The following SHB variants were observed in gnomAD, a reference collection of about 807,000 sequenced individuals.
SHB encodes the protein SH2 domain containing adaptor protein B, also known as SH2 domain-containing adapter protein B.
In SHB, 20 loss-of-function variants were observed where a neutral mutation model predicts 52.3. The ratio of observed to expected loss-of-function variants is 0.38; its 90% CI spans 0.27 to 0.56. The LOEUF (loss-of-function observed/expected upper bound fraction) is 0.56. Ranked by LOEUF, SHB falls within the 20% of genes least tolerant of loss-of-function variation. The pLI, the probability that SHB is intolerant of heterozygous loss-of-function variation, is 0.71. For synonymous variants in SHB, 397 were observed against 316.5 expected, an observed-to-expected ratio of 1.25 and a Z score of -2.70; for missense variants, 825 against 723.3, an observed-to-expected ratio of 1.14 and a Z score of -1.61.
At chr9:38,047,274 A>T (rs752669656) in intron 1 of SHB, among the ~76,000 whole-genome samples, 6 of 152,242 alleles carry the variant, frequency 3.9e-5, no homozygotes, top group Non-Finnish European at 8.8e-5. Flanking sequence ...CTCCAATGAG[A>T]GATGTACCTG....
intron 1 of SHB, among the ~76,000 whole-genome samples, chr9:38,021,383 C>T (rs4878177): frequency 0.3 from 44,149 of 148,108 alleles, 6,607 homozygotes; most frequent in Middle Eastern, 0.44. Context: ...AGGCTGGGCA[C>T]GGTGGCTCAC....
chr9:38,025,820 TC>T (rs1237043429), intron 1 of SHB, among the ~76,000 whole-genome samples: 2 of 151,970 alleles, frequency 1.3e-5, no homozygotes, highest in African/African-American at 4.8e-5. Flanking sequence ...ATCCAGACTA[TC>T]CCCCTCCCCA....
intron 2 of SHB, among the ~76,000 whole-genome samples, chr9:37,988,119 G>A (rs1244990501): frequency 2.0e-5 from 3 of 152,244 alleles, no homozygotes; most frequent in African/African-American, 7.2e-5. Flanking sequence ...GCAACTTGCT[G>A]AGATCTTGGC....
chr9:38,041,347 G>A (rs1821573228), intron 1 of SHB, among the ~76,000 whole-genome samples: 1 of 152,180 alleles, frequency 6.6e-6, no homozygotes, highest in African/African-American at 2.4e-5. Flanking sequence ...CAGACCTAAA[G>A]TGACCTTACC....
At chr9:37,958,286 G>A (rs917306754) in intron 3 of SHB, among the ~76,000 whole-genome samples, 1 of 152,222 alleles carries the variant, frequency 6.6e-6, no homozygotes, top group African/African-American at 2.4e-5. Flanking sequence ...ACTCGCCTGT[G>A]CATGCAAAGT....
chr9:37,941,507 G>A (rs1311309640), intron 5 of SHB, among the ~76,000 whole-genome samples: 1 of 152,214 alleles, frequency 6.6e-6, no homozygotes, highest in East Asian at 1.9e-4. Flanking sequence ...AGCTCCCTCT[G>A]TTGGGGGAGT....
intron 1 of SHB, among the ~76,000 whole-genome samples, chr9:38,060,158 G>T (rs911967288): frequency 6.6e-6 from 1 of 152,038 alleles, no homozygotes; most frequent in Non-Finnish European, 1.5e-5. Flanking sequence ...CCACTTACTG[G>T]CTGTCTGACT....
intron 1 of SHB, among the ~76,000 whole-genome samples, chr9:38,056,430 C>G (rs956149419): frequency 2.0e-5 from 3 of 152,182 alleles, no homozygotes; most frequent in Non-Finnish European, 4.4e-5. Flanking sequence ...CTCCTGGGTT[C>G]AAGCAATTCT....
intron 3 of SHB, among the ~76,000 whole-genome samples, chr9:37,961,885 G>A (rs1002077485): frequency 6.6e-5 from 10 of 152,188 alleles, no homozygotes; most frequent in Non-Finnish European, 1.3e-4. Flanking sequence ...TTGCAGAGAT[G>A]GGGCCATGTG....
intron 1 of SHB, among the ~76,000 whole-genome samples, chr9:38,022,577 C>T (rs548190100): frequency 1.3e-5 from 2 of 152,206 alleles, no homozygotes; most frequent in African/African-American, 4.8e-5. Flanking sequence ...GCACAAGTGC[C>T]TCTGTCCCCG....
intron 5 of SHB, among the ~76,000 whole-genome samples, chr9:37,940,404 A>G (rs185252143): frequency 6.6e-6 from 1 of 152,370 alleles, no homozygotes; most frequent in Admixed American, 6.5e-5. Flanking sequence ...AGTCCTCTGC[A>G]AAGAGTGTTT....
At chr9:37,999,579 T>C (rs926322507) in intron 2 of SHB, among the ~76,000 whole-genome samples, 9 of 152,062 alleles carry the variant, frequency 5.9e-5, no homozygotes, top group African/African-American at 2.2e-4. Flanking sequence ...GAGTGCTGAG[T>C]GGAAGCTGCA....
In SHB at chr9:37,948,705, G is replaced by A. The variant is rs1212586077; in HGVS notation, c.1276C>T (p.Leu426Phe). Residue 426 changes from leucine (L) to phenylalanine (F), a missense_variant, in exon 5 of 6, where the codon CTC (leucine) becomes TTC (phenylalanine). Leu to Phe is a conservative substitution (Grantham distance 22). Transcript: ENST00000377707. ...ACAAGGTAGCTACACTCCTTGCAGA[G>A]TCGCAGCAGGTTCTCGGCGTCTCCT... ...SRGDAENLLR[L>F]CKECSYLVRN... The A allele has an allele frequency of 5.0e-6, 8 of 1,613,972 alleles. No individual in the cohort carries two copies. The East Asian group carries it at 6.7e-5, about 13-fold the overall frequency.
intron 3 of SHB, among the ~76,000 whole-genome samples, chr9:37,968,167 A>G (rs1336246520): frequency 1.3e-5 from 2 of 152,226 alleles, no homozygotes; most frequent in Non-Finnish European, 2.9e-5. Flanking sequence ...ACCAAAACCA[A>G]TTCTGAAAAC....
Position 37,918,314 on chromosome 9 carries a change from C to A in SHB, c.*1507G>T, listed in dbSNP as rs1482343418. Reference sequence around the variant, plus strand: ...GAAACTCTTAGCCTCATCGGGGCTGCCTGGCCTGTGTGGGAGGACCCTGCT... The same window carrying A: ...GAAACTCTTAGCCTCATCGGGGCTGACTGGCCTGTGTGGGAGGACCCTGCT... On this transcript the variant is annotated 3_prime_UTR_variant, in exon 6 of 6. Coordinates refer to ENST00000377707, the MANE Select transcript of SHB (RefSeq NM_003028.3). Among the ~76,000 whole-genome samples, 4 of 152,200 alleles carry A rather than the reference C, an allele frequency of 2.6e-5. No individual in the cohort carries two copies. Among genetic ancestry groups the A allele is most frequent in the Non-Finnish European group, 4.4e-5 (3 of 68,040 alleles).
rs2118214178 is a variant in SHB at position 38,068,490 on chromosome 9, C to G, written c.156G>C (p.Ser52=). Residue 52 remains serine, a synonymous_variant, in exon 1 of 6, where the codon TCG becomes TCC. Coordinates refer to ENST00000377707, the MANE Select transcript of SHB (RefSeq NM_003028.3). ...AGGCGGTGGCCGGACCGCAGGACGC[C>G]GAGGCGGCGGAGGAGGCCTGCGGCA... ...QAVPQASSAA[S]ASCGPATASC... 1.3e-6 allele frequency: 2 copies of G among 1,499,606 alleles called. No homozygotes were observed. Among genetic ancestry groups the G allele is most frequent in the Non-Finnish European group, 1.8e-6 (2 of 1,130,580 alleles). The allele number at this position is 1,499,606 out of a possible 1,614,324, so 92.9% of individuals were successfully genotyped here. A position where few individuals can be genotyped will look rare whatever the true frequency, so the allele number is the denominator to read the frequency against.
At position 37,948,736 on chromosome 9, in the gene SHB, G is replaced by A; in HGVS notation, c.1245C>T (p.Ile415=). Residue 415 remains isoleucine (I), a synonymous_variant, in exon 5 of 6, where the codon ATC becomes ATT. Transcript: ENST00000377707. The part of the protein sequence containing the change: ...LEKQIWYHGA[I]SRGDAENLLR... The stretch of plus-strand genomic sequence containing the variant: ...GCAGGTTCTCGGCGTCTCCTCTGCT[G>A]ATGGCTCCGTGATACCATCTGTGGA... The A allele has an allele frequency of 6.2e-7, 1 of 1,613,838 alleles. No individual in the cohort carries two copies. Among genetic ancestry groups the A allele is most frequent in the African/African-American group, 1.3e-5 (1 of 75,048 alleles).
At position 37,952,321 on chromosome 9, in the gene SHB, C is replaced by T. The variant is rs146770114; in HGVS notation, c.1226+3562G>A. ...CCTGAGAACATGAGAAGGAGCCAAT[C>T]GTGAAGAGCCAAAGAAAACATCTCT... On this transcript the variant is annotated intron_variant, in intron 4 of 5. Transcript: ENST00000377707. Among the ~76,000 whole-genome samples, 244 of 152,226 alleles carry T rather than the reference C, an allele frequency of 1.6e-3. 1 individual carries two copies. Among genetic ancestry groups the T allele is most frequent in the Admixed American group, 3.9e-3 (59 of 15,286 alleles).
intron 5 of SHB, among the ~76,000 whole-genome samples, chr9:37,936,535 C>T (rs1002841229): frequency 1.3e-5 from 2 of 152,150 alleles, no homozygotes; most frequent in African/African-American, 4.8e-5. Flanking sequence ...ATGTGCCAGG[C>T]CCTCTGGGGT....
Sources: gnomAD v4.1 joint callset for allele counts (sites outside exome capture counted in the v4.1 genomes callset) on GRCh38, gnomAD v4.1.1 for gene constraint, MANE v1.5 for transcripts, NCBI Gene and HGNC (gene_info 2026-07-23, HGNC 2026-07-21) for gene names.